Variants in DPP4 observed in about 807,000 individuals in gnomAD.
The protein encoded by DPP4 is ADCP-2.
Under a neutral mutation model 122.4 loss-of-function variants are expected in DPP4, and 93 were observed. That is an observed-to-expected ratio of 0.76 (90% CI 0.64 to 0.90). The LOEUF (loss-of-function observed/expected upper bound fraction) is 0.90, where lower values mean the gene tolerates loss of function less well. Among genes scored for constraint, DPP4 ranks in the 40% least tolerant of loss-of-function variants. DPP4 has a pLI of 0.00. For missense variants in DPP4, 914 were observed against 907.3 expected (o/e 1.01, Z -0.09); for synonymous variants, 321 against 302.9 (o/e 1.06, Z -0.62).
intron 19 of DPP4, among the ~76,000 whole-genome samples, chr2:162,013,648 G>T (rs1489581841): frequency 6.6e-6 from 1 of 151,978 alleles, no homozygotes; most frequent in Non-Finnish European, 1.5e-5. Context: ...TAAGGCAAAT[G>T]ATGCCAAGCA....
At chr2:162,070,200 C>T (rs77947138) in intron 2 of DPP4, among the ~76,000 whole-genome samples, 2,679 of 152,210 alleles carry the variant, frequency 0.018, 90 homozygotes, top group African/African-American at 0.061. Context: ...AACATACAAT[C>T]ATTTATTATA....
chr2:162,068,263 T>A (rs529624273), intron 2 of DPP4, among the ~76,000 whole-genome samples: 1 of 152,332 alleles, frequency 6.6e-6, no homozygotes, highest in South Asian at 2.1e-4. Flanking sequence ...AATTATAATA[T>A]CGCTATGCAA....
chr2:162,016,515 G>C (rs542585423), intron 18 of DPP4, among the ~76,000 whole-genome samples: 52 of 152,312 alleles, frequency 3.4e-4, no homozygotes, highest in African/African-American at 1.2e-3. Context: ...TGGGATAAAA[G>C]TGAACTAACG....
At chr2:162,026,190 G>A (rs566667750) in intron 10 of DPP4, among the ~76,000 whole-genome samples, 1 of 152,226 alleles carries the variant, frequency 6.6e-6, no homozygotes, top group East Asian at 1.9e-4. Context: ...GGGCACTCGG[G>A]ATGGATTAGG....
chr2:162,036,361 T>G (rs923522537), intron 8 of DPP4, among the ~76,000 whole-genome samples: 2 of 152,176 alleles, frequency 1.3e-5, no homozygotes, highest in Non-Finnish European at 2.9e-5. Context: ...TAATAATAAT[T>G]ATTGTGATGA....
chr2:162,025,891 C>T (rs759848391), intron 10 of DPP4, among the ~76,000 whole-genome samples: 2 of 152,146 alleles, frequency 1.3e-5, no homozygotes, highest in Non-Finnish European at 2.9e-5. Context: ...TGCTCTCACA[C>T]AATCCACTTG....
At chr2:162,042,916 A>G (rs1454502333) in intron 5 of DPP4, among the ~76,000 whole-genome samples, 3 of 152,216 alleles carry the variant, frequency 2.0e-5, no homozygotes, top group African/African-American at 4.8e-5. Flanking sequence ...TGTGGGTGGA[A>G]GAGCATGGCA....
rs138658874 is a variant in DPP4, at chr2:162,071,503, G to A, written c.94+1896C>T. ...CTAAAATACAAAAAATTATCCGGGC[G>A]TGGTGGTGTGTGCCTGTAGTCCCAG... On this transcript the variant is annotated intron_variant, in intron 2 of 25. Coordinates refer to ENST00000360534, the MANE Select transcript of DPP4 (RefSeq NM_001935.4). Among the ~76,000 whole-genome samples, 537 of 152,258 alleles carry A rather than the reference G, an allele frequency of 3.5e-3. 2 individuals carry two copies. The highest frequency in any genetic ancestry group is 5.1e-3 in the Non-Finnish European group (344 of 68,024).
At chr2:162,055,375 A>T (rs1684533436) in intron 2 of DPP4, among the ~76,000 whole-genome samples, 1 of 152,220 alleles carries the variant, frequency 6.6e-6, no homozygotes, top group South Asian at 2.1e-4. Context: ...TATAATCACA[A>T]TAGCAGATTT....
At chr2:162,000,005 G>A (rs548895379) in intron 23 of DPP4, among the ~76,000 whole-genome samples, 5 of 152,146 alleles carry the variant, frequency 3.3e-5, no homozygotes, top group East Asian at 3.9e-4. Context: ...CAGAAATTGC[G>A]GACATGTTGG....
intron 23 of DPP4, among the ~76,000 whole-genome samples, chr2:162,000,975 G>A (rs901822965): frequency 3.3e-5 from 5 of 152,000 alleles, no homozygotes; most frequent in East Asian, 3.9e-4. Flanking sequence ...TTCACACATC[G>A]CCAGAAAACC....
chr2:162,010,163 G>A (rs1013476858), intron 20 of DPP4, among the ~76,000 whole-genome samples: 10 of 152,068 alleles, frequency 6.6e-5, no homozygotes, highest in African/African-American at 9.7e-5. Context: ...TCTTTTCCAC[G>A]TAAACTTTGT....
chr2:162,070,406 A>C (rs961207092), intron 2 of DPP4, among the ~76,000 whole-genome samples: 1 of 152,082 alleles, frequency 6.6e-6, no homozygotes, highest in Non-Finnish European at 1.5e-5. Flanking sequence ...GAAATGCTTG[A>C]CCTCTTAAAT....
chr2:161,998,751 AC>A (rs1395431442), intron 23 of DPP4, among the ~76,000 whole-genome samples: 1 of 152,054 alleles, frequency 6.6e-6, no homozygotes, highest in Non-Finnish European at 1.5e-5. Context: ...AACAAGTAAA[AC>A]CCTGAGCCTA....
intron 5 of DPP4, among the ~76,000 whole-genome samples, chr2:162,039,831 T>A (rs906902243): frequency 6.6e-6 from 1 of 151,922 alleles, no homozygotes; most frequent in Non-Finnish European, 1.5e-5. Flanking sequence ...GGTAAAAGCA[T>A]TGATAAAGTA....
At chr2:162,037,731 G>A (rs532399410) in intron 8 of DPP4, among the ~76,000 whole-genome samples, 269 of 152,138 alleles carry the variant, frequency 1.8e-3, no homozygotes, top group African/African-American at 6.1e-3. Flanking sequence ...TATCCTAAAA[G>A]GGAGAATATT....
chr2:162,039,676 A>G (rs1244166001), intron 5 of DPP4, among the ~76,000 whole-genome samples: 1 of 152,158 alleles, frequency 6.6e-6, no homozygotes, highest in African/African-American at 2.4e-5. Context: ...AAATACATAT[A>G]TCATCAATAT....
chr2:162,068,234 T>C (rs1376724913), intron 2 of DPP4, among the ~76,000 whole-genome samples: 4 of 152,046 alleles, frequency 2.6e-5, no homozygotes, highest in Non-Finnish European at 5.9e-5. Flanking sequence ...ACTTAACACA[T>C]AGAGATTAGA....
Position 162,024,888 on chromosome 2 carries a change from C to T in DPP4, c.939G>A (p.Leu313=), listed in dbSNP as rs201841701. The change falls in exon 11 of 26, where the codon TTG becomes TTA. Residue 313 remains leucine (L), a synonymous_variant. Transcript: ENST00000360534. ...VTWATQERIS[L]QWLRRIQNYS... is the part of the protein sequence containing the mutation. ...AGTTCTGAATCCTCCTGAGCCACTG[C>T]AAAGAAATTCTTTCTTGTGTTGCCC... 1.9e-6 allele frequency: 3 copies of T among 1,613,874 alleles called. No individual in the cohort carries two copies. The highest frequency in any genetic ancestry group is 2.5e-6 in the Non-Finnish European group (3 of 1,180,010).
Sources: allele counts gnomAD v4.1 joint callset (sites outside exome capture counted in the v4.1 genomes callset), GRCh38; gene constraint gnomAD v4.1.1; transcripts MANE v1.5; gene names NCBI Gene and HGNC (gene_info 2026-07-23, HGNC 2026-07-21).